NUP210: variants seen among roughly 807,000 people sequenced by gnomAD.
NUP210 encodes nucleoporin 210, also known as nuclear pore membrane glycoprotein 210.
A neutral mutation model predicts 196.0 loss-of-function variants in NUP210; 151 were observed. That is an observed-to-expected ratio of 0.77 (90% CI 0.67 to 0.88). The LOEUF is 0.88. Ranked by LOEUF, NUP210 falls within the 40% of genes least tolerant of loss-of-function variation. The pLI, the probability that NUP210 is intolerant of heterozygous loss-of-function variation, is 0.00. For missense variants in NUP210, 2,314 were observed against 2,493.7 expected (o/e 0.93, Z 1.53); for synonymous variants, 1,070 against 1,052.7 (o/e 1.02, Z -0.32).
intron 1 of NUP210, among the ~76,000 whole-genome samples, chr3:13,417,500 T>G (rs553486004): frequency 1.6e-4 from 25 of 152,316 alleles, no homozygotes; most frequent in African/African-American, 5.5e-4. Context: ...ACTTTCTGGA[T>G]GAAGAGGTAA....
At chr3:13,378,660 C>T (rs1699007528) in intron 8 of NUP210, among the ~76,000 whole-genome samples, 1 of 152,158 alleles carries the variant, frequency 6.6e-6, no homozygotes, top group Non-Finnish European at 1.5e-5. Flanking sequence ...GGGTGCAAGC[C>T]CCTCACCACT....
At chr3:13,396,944 C>G (rs1268408595) in intron 3 of NUP210, among the ~76,000 whole-genome samples, 1 of 152,084 alleles carries the variant, frequency 6.6e-6, no homozygotes, top group Non-Finnish European at 1.5e-5. Context: ...AACAGGAAGC[C>G]ACCACTGGCC....
intron 1 of NUP210, among the ~76,000 whole-genome samples, chr3:13,409,406 G>A (rs1457608266): frequency 6.6e-6 from 1 of 152,184 alleles, no homozygotes; most frequent in Non-Finnish European, 1.5e-5. Flanking sequence ...CACCATGAGA[G>A]GATGTCACAA....
chr3:13,327,470 C>T, intron 31 of NUP210, 33 bp from the exon 32 acceptor site: 6 of 1,514,168 alleles, frequency 4.0e-6, no homozygotes, highest in Non-Finnish European at 5.4e-6. Context: ...GGCTCTCAGT[C>T]TCGGGAAAGA....
At chr3:13,368,189 C>T (rs1698605744) in intron 13 of NUP210, among the ~76,000 whole-genome samples, 1 of 152,146 alleles carries the variant, frequency 6.6e-6, no homozygotes, top group Admixed American at 6.5e-5. Context: ...GAGTCTCCTA[C>T]CTCAGCCTCC....
chr3:13,320,359 C>A (rs181895825), intron 36 of NUP210, among the ~76,000 whole-genome samples: 77 of 152,268 alleles, frequency 5.1e-4, no homozygotes, highest in African/African-American at 1.8e-3. Context: ...CCAGGCTGGG[C>A]GCGGTTGCTC....
intron 4 of NUP210, among the ~76,000 whole-genome samples, chr3:13,388,965 ACT>A (rs1298659240): frequency 6.6e-6 from 1 of 151,888 alleles, no homozygotes; most frequent in Non-Finnish European, 1.5e-5. Flanking sequence ...ACCATGTCTC[ACT>A]CTCCCTGGAT....
rs1276220389 is a variant in NUP210, at chr3:13,420,156, G to A, written c.71C>T (p.Ala24Val). 1.5e-6 allele frequency: 2 copies of A among 1,297,498 alleles called. No individual in the cohort carries two copies. Among genetic ancestry groups the A allele is most frequent in the Admixed American group, 2.8e-5 (1 of 35,122 alleles). The allele number at this position is 1,297,498 out of a possible 1,614,324, so 80.4% of individuals were successfully genotyped here. The change falls in exon 1 of 40, where the codon GCT becomes GTT. Residue 24 changes from alanine (A) to valine (V), a missense_variant. By Grantham distance (64) the Ala-to-Val change is moderately conservative. Transcript: ENST00000254508. The surrounding 1 kb of genome is among the most constrained non-coding windows in gnomAD (Gnocchi z 4.8). ...SVLLAAGPSA[A>V]AAKLNIPKVL... ...TTTGGGGATGTTGAGCTTGGCCGCAGCGGCGGAGGGGCCCGCCGCCAACAG... is the reference window on the plus strand; with the variant it reads ...TTTGGGGATGTTGAGCTTGGCCGCAACGGCGGAGGGGCCCGCCGCCAACAG...
chr3:13,364,021 C>G (rs185751273), intron 14 of NUP210, among the ~76,000 whole-genome samples: 1 of 152,290 alleles, frequency 6.6e-6, no homozygotes, highest in East Asian at 1.9e-4. Context: ...CCACTCTGCT[C>G]TCTGACACTC....
chr3:13,361,031 T>C (rs1165121140), intron 14 of NUP210, among the ~76,000 whole-genome samples: 1 of 152,226 alleles, frequency 6.6e-6, no homozygotes, highest in African/African-American at 2.4e-5. Context: ...ATGGTGCCGT[T>C]TGATCACAAT....
At chr3:13,322,398 C>T (rs1371347241) in intron 34 of NUP210, 59 bp from the exon 35 acceptor site, 34 of 1,592,414 alleles carry the variant, frequency 2.1e-5, no homozygotes, top group Non-Finnish European at 2.7e-5. Context: ...ACACCAAATT[C>T]CACCAGGCCT....
At position 13,348,422 on chromosome 3, in the gene NUP210, G is replaced by GA; in HGVS notation, c.2835+3456dup. On this transcript the variant is annotated intron_variant, in intron 20 of 39. Transcript: ENST00000254508. The surrounding 1 kb of genome is among the most constrained non-coding windows in gnomAD (Gnocchi z 4.0). ...AGAATGACAGGTGCAAGGTAAATGT[G>GA]AATGAGAGTGTGCCTCGGTTTCACT... is the stretch of plus-strand genomic sequence containing the variant. 1.0e-6 allele frequency: 1 copy of GA among 985,406 alleles called. No homozygotes were observed. Among genetic ancestry groups the GA allele is most frequent in the Non-Finnish European group, 1.2e-6 (1 of 829,932 alleles). 61.0% of individuals were successfully genotyped at this position (985,406 alleles called of 1,614,324 possible). A position where few individuals can be genotyped will look rare whatever the true frequency, so the allele number is the denominator to read the frequency against.
At chr3:13,388,222 T>G in intron 5 of NUP210, 81 bp downstream of exon 5, 1 of 1,070,626 alleles carries the variant, frequency 9.3e-7, no homozygotes, top group Non-Finnish European at 1.3e-6. Flanking sequence ...TGCCTATAGG[T>G]GTGATGGTAC....
intron 13 of NUP210, among the ~76,000 whole-genome samples, chr3:13,370,789 G>A (rs867836259): frequency 2.0e-5 from 3 of 152,322 alleles, no homozygotes; most frequent in East Asian, 1.9e-4. Context: ...ACAGTTGCAC[G>A]CACAGCCACT....
chr3:13,345,097 C>T (rs1037679563), intron 20 of NUP210: 18 of 985,314 alleles, frequency 1.8e-5, no homozygotes, highest in Middle Eastern at 5.2e-4. Flanking sequence ...TAGCCTCCTA[C>T]GAGCACATCT....
chr3:13,327,264 A>G lies in NUP210; in HGVS notation c.4460T>C (p.Val1487Ala). 6.2e-7 allele frequency: 1 copy of G among 1,613,274 alleles called. No individual in the cohort carries two copies. ...GGCCAGACAGAGCACGTCCCCCACC[A>G]CCATGGCCCCAGACAGCTCTGGGGA... is the stretch of plus-strand genomic sequence containing the variant. ...AISPELSGAMVVGDVLCLATV... is the reference protein window; with the variant it reads ...AISPELSGAMAVGDVLCLATV... Residue 1487 changes from valine to alanine, a missense_variant, in exon 32 of 40, where the codon GTG becomes GCG. Physicochemically the swap from Val to Ala is moderately conservative, Grantham distance 64. Transcript: ENST00000254508.
intron 12 of NUP210, 87 bp from the exon 13 acceptor site, chr3:13,372,119 G>T: frequency 8.2e-7 from 1 of 1,220,484 alleles, no homozygotes; most frequent in Non-Finnish European, 1.1e-6. Flanking sequence ...GCTGCTGTGT[G>T]CTGAGCACTG....
At chr3:13,400,276 C>T (rs573298835) in intron 1 of NUP210, among the ~76,000 whole-genome samples, 5 of 152,302 alleles carry the variant, frequency 3.3e-5, no homozygotes, top group Admixed American at 6.5e-5. Flanking sequence ...CGACCTCTAG[C>T]CCAGGCCTGG....
At chr3:13,390,259 G>A (rs1326769678) in intron 4 of NUP210, among the ~76,000 whole-genome samples, 2 of 152,126 alleles carry the variant, frequency 1.3e-5, no homozygotes, top group Admixed American at 6.5e-5. Flanking sequence ...GGTGAATGAG[G>A]GAGACCACTT....
Sources: allele counts gnomAD v4.1 joint callset (sites outside exome capture counted in the v4.1 genomes callset), GRCh38; gene constraint gnomAD v4.1.1; non-coding constraint Gnocchi (gnomAD v3.1); transcripts MANE v1.5; gene names NCBI Gene and HGNC (gene_info 2026-07-23, HGNC 2026-07-21).